GALNT18: variants seen among roughly 807,000 people sequenced by gnomAD.
GALNT18 encodes the protein GalNAc-transferase 18.
A neutral mutation model predicts 69.5 loss-of-function variants in GALNT18; 44 were observed. The observed-to-expected ratio is 0.63, with a 90% CI of 0.50 to 0.81. The LOEUF is 0.81. GALNT18 is among the 40% of genes least tolerant of loss of function. GALNT18 has a pLI of 0.00. For missense variants in GALNT18, 715 were observed against 810.0 expected (o/e 0.88, Z 1.42); for synonymous variants, 364 against 318.2 (o/e 1.14, Z -1.53).
In GALNT18 at chr11:11,556,845, T is replaced by C. The variant is rs532904968; in HGVS notation, c.235+64514A>G. Among the ~76,000 whole-genome samples, 6 of 152,378 alleles carry C rather than the reference T, an allele frequency of 3.9e-5. No homozygotes were observed. The South Asian group carries it at 1.2e-3, about 32-fold the overall frequency. On this transcript the variant is annotated intron_variant, in intron 1 of 10. Transcript: ENST00000227756. ...GTTCAAATGTTATGCTCAGTGCATA[T>C]GATAGCCTATAGAACATTTTTTAAA...
At chr11:11,577,532 G>T (rs61870381) in intron 1 of GALNT18, among the ~76,000 whole-genome samples, 3 of 152,156 alleles carry the variant, frequency 2.0e-5, no homozygotes, top group Non-Finnish European at 1.5e-5. Context: ...TTGTTAGAGA[G>T]AATGTCACTG....
At chr11:11,522,238 C>T (rs943975977) in intron 1 of GALNT18, among the ~76,000 whole-genome samples, 2 of 152,172 alleles carry the variant, frequency 1.3e-5, no homozygotes, top group Non-Finnish European at 2.9e-5. Flanking sequence ...AAACACACAT[C>T]GGTCCCTGCC....
At chr11:11,355,957 T>G (rs925093233) in intron 6 of GALNT18, among the ~76,000 whole-genome samples, 3 of 152,226 alleles carry the variant, frequency 2.0e-5, no homozygotes, top group African/African-American at 7.2e-5. Flanking sequence ...GGACTGACTT[T>G]GTATACAGGT....
intron 6 of GALNT18, among the ~76,000 whole-genome samples, chr11:11,348,113 A>C (rs7929191): frequency 0.12 from 18,140 of 152,014 alleles, 3,495 homozygotes; most frequent in African/African-American, 0.41. Context: ...CATGGTGGCT[A>C]ACGCCTGTAA....
chr11:11,405,648 G>A (rs1402266189), intron 3 of GALNT18, among the ~76,000 whole-genome samples: 11 of 152,180 alleles, frequency 7.2e-5, no homozygotes, highest in Admixed American at 6.5e-4. Flanking sequence ...AGAGAGACGC[G>A]CCGAATGCAG....
intron 9 of GALNT18, among the ~76,000 whole-genome samples, chr11:11,324,436 T>C (rs1367513413): frequency 1.3e-5 from 2 of 152,230 alleles, no homozygotes; most frequent in South Asian, 2.1e-4. Context: ...TCATGAATTA[T>C]AGTATATTTG....
chr11:11,594,926 T>C lies in GALNT18; in HGVS notation c.235+26433A>G, dbSNP rs894123479. Among the ~76,000 whole-genome samples, 10 of 147,386 alleles carry C rather than the reference T, an allele frequency of 6.8e-5. No homozygotes were observed. The South Asian group carries it at 1.5e-3, about 22-fold the overall frequency. On this transcript the variant is annotated intron_variant, in intron 1 of 10. Transcript: ENST00000227756. ...CAGATACAAAATATGCGTGTGTGTA[T>C]ATATATATATAATCTCCAAGAATGT...
intron 3 of GALNT18, among the ~76,000 whole-genome samples, chr11:11,405,822 G>T (rs1260733986): frequency 6.6e-6 from 1 of 152,196 alleles, no homozygotes; most frequent in African/African-American, 2.4e-5. Flanking sequence ...AGTTCTATGT[G>T]GCAAGGAGGA....
chr11:11,483,783 G>A (rs1311509172), intron 1 of GALNT18, among the ~76,000 whole-genome samples: 1 of 152,212 alleles, frequency 6.6e-6, no homozygotes, highest in Non-Finnish European at 1.5e-5. Context: ...GGGCTGTGAT[G>A]GGAGGTGTGC....
chr11:11,574,774 C>CT (rs11386655), intron 1 of GALNT18, among the ~76,000 whole-genome samples: 82,435 of 151,980 alleles, frequency 0.54, 25,095 homozygotes, highest in East Asian at 0.73. Flanking sequence ...TTTAATATCT[C>CT]TCCCAGCAAA....
rs1387149573 is a variant in GALNT18, at chr11:11,546,123, C to G, written c.235+75236G>C. Among the ~76,000 whole-genome samples, 1 of 152,170 alleles carries G rather than the reference C, an allele frequency of 6.6e-6. No homozygotes were observed. Among genetic ancestry groups the G allele is most frequent in the East Asian group, 1.9e-4 (1 of 5,186 alleles). On this transcript the variant is annotated intron_variant, in intron 1 of 10. Transcript: ENST00000227756. The surrounding 1 kb of genome is among the most constrained non-coding windows in gnomAD (Gnocchi z 5.8). ...CTTTCCCAGGTGTCTGTGACACAAT[C>G]TGAGCCCTGGTATCCCTGAGAAGGC...
In GALNT18 at chr11:11,512,601, A is replaced by AT. The variant is rs1857186767; in HGVS notation, c.236-63666dup. ...CCAGTGCTGTGACAGTAAATCAGCC[A>AT]TATCTACATTATAGCTCAGCCCAGC... On this transcript the variant is annotated intron_variant, in intron 1 of 10. Transcript: ENST00000227756. Among the ~76,000 whole-genome samples, 5 of 152,350 alleles carry AT rather than the reference A, an allele frequency of 3.3e-5. No individual in the cohort carries two copies. In the South Asian group the frequency reaches 1.0e-3, roughly 32 times the overall value.
At chr11:11,312,175 C>G (rs12797606) in intron 9 of GALNT18, among the ~76,000 whole-genome samples, 13,413 of 144,752 alleles carry the variant, frequency 0.093, 755 homozygotes, top group Non-Finnish European at 0.13. Flanking sequence ...CCAGAATGGT[C>G]TCCTGACTTC....
At chr11:11,300,233 G>C (rs537086469) in intron 9 of GALNT18, among the ~76,000 whole-genome samples, 27 of 152,152 alleles carry the variant, frequency 1.8e-4, no homozygotes, top group African/African-American at 6.0e-4. Flanking sequence ...GTAGGTGCCC[G>C]TGAAAAATGA....
intron 4 of GALNT18, 38 bp downstream of exon 4, chr11:11,379,043 C>G: frequency 2.0e-6 from 3 of 1,518,128 alleles, no homozygotes; most frequent in Non-Finnish European, 2.6e-6. Flanking sequence ...GCCCCAGATC[C>G]CACTGGGACT....
At chr11:11,594,055 C>T (rs1859427766) in intron 1 of GALNT18, among the ~76,000 whole-genome samples, 1 of 152,216 alleles carries the variant, frequency 6.6e-6, no homozygotes, top group African/African-American at 2.4e-5. Flanking sequence ...AGGTAGTTTT[C>T]ACTCTGTGCC....
At chr11:11,373,977 A>G (rs1388788657) in intron 5 of GALNT18, among the ~76,000 whole-genome samples, 1 of 152,222 alleles carries the variant, frequency 6.6e-6, no homozygotes, top group Non-Finnish European at 1.5e-5. Context: ...AAACTTATCA[A>G]GGTGGAGAAA....
intron 3 of GALNT18, among the ~76,000 whole-genome samples, chr11:11,406,387 G>A (rs1854588543): frequency 6.6e-6 from 1 of 152,194 alleles, no homozygotes. Context: ...GGTATCTGGT[G>A]ACAACTATCA....
chr11:11,506,694 G>C (rs1376366256), intron 1 of GALNT18, among the ~76,000 whole-genome samples: 2 of 152,180 alleles, frequency 1.3e-5, no homozygotes, highest in Non-Finnish European at 2.9e-5. Context: ...AAAAGTGAAG[G>C]CATGTGAAAT....
Sources: allele counts gnomAD v4.1 joint callset (sites outside exome capture counted in the v4.1 genomes callset), GRCh38; gene constraint gnomAD v4.1.1; non-coding constraint Gnocchi (gnomAD v3.1); transcripts MANE v1.5; gene names NCBI Gene and HGNC (gene_info 2026-07-23, HGNC 2026-07-21).